Variants in HNF4A observed in about 807,000 individuals in gnomAD.
HNF4A encodes the protein hepatocyte nuclear factor 4-alpha.
HNF4A carries 15 observed loss-of-function variants against 52.4 expected under a neutral mutation model. That is an observed-to-expected ratio of 0.29 (90% CI 0.19 to 0.44). The LOEUF (loss-of-function observed/expected upper bound fraction) is 0.44. HNF4A is among the 20% of genes least tolerant of loss of function. The probability of loss-of-function intolerance (pLI) is 1.00; values close to 1 mark genes in which losing one functional copy is unlikely to be tolerated. For synonymous variants in HNF4A, 280 were observed against 264.4 expected (o/e 1.06, Z -0.57); for missense variants, 479 against 647.2 (o/e 0.74, Z 2.82).
Position 44,407,413 on chromosome 20 carries a change from A to G in HNF4A, c.323A>G (p.Lys108Arg). ...CGGCAGTGCGTGGTGGACAAAGACA[A>G]GAGGAACCAGTGCCGCTACTGCAGG... Residue 108 changes from lysine to arginine, a missense_variant, in exon 3 of 10, where the codon AAG becomes AGG. By Grantham distance (26) the Lys-to-Arg change is conservative. Coordinates refer to ENST00000316099, the MANE Select transcript of HNF4A (RefSeq NM_000457.6). The G allele has an allele frequency of 6.2e-7, 1 of 1,611,628 alleles. No individual in the cohort carries two copies. Among genetic ancestry groups the G allele is most frequent in the Non-Finnish European group, 8.5e-7 (1 of 1,178,882 alleles).
rs375208359 is a variant in HNF4A at position 44,427,142 on chromosome 20, C to T, written c.1130-1193C>T. Among the ~76,000 whole-genome samples, 16 of 152,266 alleles carry T rather than the reference C, an allele frequency of 1.1e-4. No individual in the cohort carries two copies. The South Asian group carries it at 3.1e-3, about 30-fold the overall frequency. Reference sequence around the variant, plus strand: ...GTAGCACTTCTCCAGTGGTGACAACCAAAAATGTCTTTGGATATTGTCAAA... The same window carrying T: ...GTAGCACTTCTCCAGTGGTGACAACTAAAAATGTCTTTGGATATTGTCAAA... On this transcript the variant is annotated intron_variant, in intron 8 of 9. Coordinates refer to ENST00000316099, the MANE Select transcript of HNF4A (RefSeq NM_000457.6).
intron 6 of HNF4A, among the ~76,000 whole-genome samples, chr20:44,419,437 T>A (rs966267955): frequency 6.6e-6 from 1 of 152,180 alleles, no homozygotes; most frequent in African/African-American, 2.4e-5. Context: ...GCCTATCAGG[T>A]GACCTTTGAA....
intron 1 of HNF4A, among the ~76,000 whole-genome samples, chr20:44,371,529 A>T (rs1419007151): frequency 6.6e-6 from 1 of 152,202 alleles, no homozygotes; most frequent in Non-Finnish European, 1.5e-5. Flanking sequence ...TCTACAAAAA[A>T]TACAAAAATT....
Position 44,418,444 on chromosome 20 carries a change from A to G in HNF4A, c.668A>G (p.His223Arg). 7 of 1,613,978 alleles carry G rather than the reference A, an allele frequency of 4.3e-6. No homozygotes were observed. The highest frequency in any genetic ancestry group is 5.9e-6 in the Non-Finnish European group (7 of 1,179,948). Residue 223 changes from histidine to arginine, a missense_variant, in exon 6 of 10, where the codon CAT becomes CGT. This residue lies in a region of HNF4A where 389 missense variants were observed against 525.1 expected (regional missense o/e 0.74). Transcript: ENST00000316099. Reference sequence around the variant, plus strand: ...TTTCAGGTGGCCCTGCTCAGAGCCCATGCTGGCGAGCACCTGCTGCTCGGA... The same window carrying G: ...TTTCAGGTGGCCCTGCTCAGAGCCCGTGCTGGCGAGCACCTGCTGCTCGGA...
At chr20:44,403,856 C>T (rs2063445003) in intron 1 of HNF4A, among the ~76,000 whole-genome samples, 1 of 152,186 alleles carries the variant, frequency 6.6e-6, no homozygotes, top group Non-Finnish European at 1.5e-5. Context: ...ATAGAGCTGA[C>T]AGCCCCCAGC....
At position 44,429,872 on chromosome 20, in the gene HNF4A, C is replaced by T. The variant is rs77241436; in HGVS notation, c.*207C>T. 1 of 599,628 alleles carries T rather than the reference C, an allele frequency of 1.7e-6. No homozygotes were observed. 37.1% of individuals were successfully genotyped at this position (599,628 alleles called of 1,614,324 possible). A position where few individuals can be genotyped will look rare whatever the true frequency, so the allele number is the denominator to read the frequency against. On this transcript the variant is annotated 3_prime_UTR_variant, in exon 10 of 10. Transcript: ENST00000316099. ...CCTGCTCTGGATAACAAGACTTTGACTTGGGGAGACCTCTACTGCCTTGGA... is the reference window on the plus strand; with the variant it reads ...CCTGCTCTGGATAACAAGACTTTGATTTGGGGAGACCTCTACTGCCTTGGA...
intron 5 of HNF4A, among the ~76,000 whole-genome samples, chr20:44,415,938 G>C (rs2063657800): frequency 6.6e-6 from 1 of 152,056 alleles, no homozygotes. Flanking sequence ...CCCTCTGCTG[G>C]AGTCTCTACA....
intron 1 of HNF4A, chr20:44,401,502 ATGTGCCCAGGTGTGCCAGTGGGGGCAGG>A (rs765625844): frequency 6.8e-6 from 11 of 1,614,076 alleles, no homozygotes; most frequent in South Asian, 5.5e-5. Context: ...GTGGGGGCAG[ATGTGCCCAGGTGTGCCAGTGGGGGCAGG>A]TGTGCCTGGG....
At chr20:44,371,424 C>T (rs990189438) in intron 1 of HNF4A, among the ~76,000 whole-genome samples, 5 of 152,080 alleles carry the variant, frequency 3.3e-5, no homozygotes, top group East Asian at 3.9e-4. Flanking sequence ...ATTACAGGCG[C>T]GTGCCACTAC....
intron 1 of HNF4A, chr20:44,390,789 C>T: frequency 3.1e-6 from 2 of 636,996 alleles, no homozygotes; most frequent in South Asian, 1.8e-5. Context: ...GGATTTGTAC[C>T]CTCATCCCCT....
In HNF4A at chr20:44,430,009, A is replaced by C; in HGVS notation, c.*344A>C. ...GGAGATGACTTGAGGCCTTACTTAA[A>C]CCCAGCTCCCTTCTTCCCTAGCCTG... On this transcript the variant is annotated 3_prime_UTR_variant, in exon 10 of 10. Transcript: ENST00000316099. The C allele has an allele frequency of 7.2e-6, 2 of 279,374 alleles. No individual in the cohort carries two copies. Among genetic ancestry groups the C allele is most frequent in the South Asian group, 5.4e-5 (1 of 18,684 alleles). The allele number at this position is 279,374 out of a possible 1,614,324, so 17.3% of individuals were successfully genotyped here. A position where few individuals can be genotyped will look rare whatever the true frequency, so the allele number is the denominator to read the frequency against.
Position 44,426,239 on chromosome 20 carries a change from G to T in HNF4A, c.1129+1985G>T, listed in dbSNP as rs144621223. Among the ~76,000 whole-genome samples, 90 of 152,260 alleles carry T rather than the reference G, an allele frequency of 5.9e-4. No homozygotes were observed. The South Asian group carries it at 0.013, about 23-fold the overall frequency. ...ACAGAAAGAAGCGGGGAAGAAAGGA[G>T]AGGTGAAGAGAGGAGGGGAAGAGAG... On this transcript the variant is annotated intron_variant, in intron 8 of 9. Coordinates refer to ENST00000316099, the MANE Select transcript of HNF4A (RefSeq NM_000457.6).
chr20:44,404,728 CTG>C (rs35161632), intron 1 of HNF4A, among the ~76,000 whole-genome samples: 6,817 of 41,138 alleles, frequency 0.17, 1,150 homozygotes, highest in African/African-American at 0.44. Context: ...TGTGTGGACT[CTG>C]TGTTCATGTG....
At chr20:44,380,704 C>T (rs574699301) in intron 1 of HNF4A, among the ~76,000 whole-genome samples, 2 of 152,250 alleles carry the variant, frequency 1.3e-5, no homozygotes, top group South Asian at 4.1e-4. Flanking sequence ...TATTTTCTCC[C>T]ATTCTGTAAG....
chr20:44,400,655 G>A (rs2063395440), upstream of HNF4A, among the ~76,000 whole-genome samples: 1 of 152,142 alleles, frequency 6.6e-6, no homozygotes, highest in Admixed American at 6.5e-5. Context: ...AGAGGGGCAG[G>A]GTGGGATCAC....
At chr20:44,393,134 C>A (rs1451554255) in intron 1 of HNF4A, among the ~76,000 whole-genome samples, 1 of 152,188 alleles carries the variant, frequency 6.6e-6, no homozygotes, top group African/African-American at 2.4e-5. Context: ...GAGTCTGGGT[C>A]AGGCAGGGGC....
At chr20:44,403,213 G>T (rs996979597) in intron 1 of HNF4A, among the ~76,000 whole-genome samples, 8 of 152,166 alleles carry the variant, frequency 5.3e-5, no homozygotes, top group African/African-American at 1.9e-4. Context: ...CCTGAACTGG[G>T]AGTCCCAAAG....
upstream of HNF4A, among the ~76,000 whole-genome samples, chr20:44,398,320 T>C (rs1481213874): frequency 6.6e-6 from 1 of 152,258 alleles, no homozygotes; most frequent in Non-Finnish European, 1.5e-5. Flanking sequence ...TACTGAACTA[T>C]AGGTGCAAGG....
chr20:44,395,073 G>A (rs1038995882), intron 1 of HNF4A, among the ~76,000 whole-genome samples: 1 of 151,466 alleles, frequency 6.6e-6, no homozygotes, highest in South Asian at 2.1e-4. Context: ...GGGTGAACAA[G>A]CCAGTGGCCA....
Sources: allele counts gnomAD v4.1 joint callset (sites outside exome capture counted in the v4.1 genomes callset), GRCh38; gene constraint gnomAD v4.1.1; regional missense constraint gnomAD v4.1.1; transcripts MANE v1.5; gene names NCBI Gene and HGNC (gene_info 2026-07-23, HGNC 2026-07-21).